The following RALYL variants were observed in gnomAD, a reference collection of about 807,000 sequenced individuals.
RALYL encodes the protein RALY RNA binding protein like.
Under a neutral mutation model 35.1 loss-of-function variants are expected in RALYL, and 29 were observed. The observed-to-expected ratio is 0.83, with a 90% CI of 0.61 to 1.13. The LOEUF (loss-of-function observed/expected upper bound fraction) is 1.13, where lower values mean the gene tolerates loss of function less well. RALYL is among the 50% of genes most tolerant of loss of function. The pLI, the probability that RALYL is intolerant of heterozygous loss-of-function variation, is 0.00. For synonymous variants in RALYL, 120 were observed against 127.6 expected (o/e 0.94, Z 0.40); for missense variants, 359 against 360.4 (o/e 1.00, Z 0.03).
At chr8:84,258,693 A>G (rs1449688012) in intron 1 of RALYL, among the ~76,000 whole-genome samples, 1 of 152,282 alleles carries the variant, frequency 6.6e-6, no homozygotes, top group African/African-American at 2.4e-5. Context: ...TGTAAAGATG[A>G]TATATAGATG....
At chr8:84,297,267 T>C (rs1271073067) in intron 1 of RALYL, among the ~76,000 whole-genome samples, 1 of 152,024 alleles carries the variant, frequency 6.6e-6, no homozygotes, top group Non-Finnish European at 1.5e-5. Flanking sequence ...CCATATGTAC[T>C]CAATATTTGG....
intron 2 of RALYL, among the ~76,000 whole-genome samples, chr8:84,622,643 T>G (rs73296154): frequency 6.6e-6 from 1 of 152,112 alleles, no homozygotes; most frequent in Non-Finnish European, 1.5e-5. Context: ...TCAGAGGCCA[T>G]AAGACCAATT....
At chr8:84,435,375 T>C (rs1415384241) in intron 1 of RALYL, among the ~76,000 whole-genome samples, 2 of 152,148 alleles carry the variant, frequency 1.3e-5, no homozygotes, top group Middle Eastern at 3.2e-3. Context: ...AAATCTTGGA[T>C]GAAATTTTTT....
rs921011431 is a variant in RALYL at position 84,353,479 on chromosome 8, C to T, written c.-24+169055C>T. On this transcript the variant is annotated intron_variant, in intron 1 of 8. Coordinates refer to ENST00000521268, the MANE Select transcript of RALYL (RefSeq NM_173848.7). ...ATCACAAGACTATAACATGCAGCTT[C>T]GTAAAATTCATCCCTTCACCTAAAT... Among the ~76,000 whole-genome samples the T allele has an allele frequency of 4.0e-5, 6 of 150,426 alleles. 1 individual carries two copies. The highest frequency in any genetic ancestry group is 1.3e-4 in the Admixed American group (2 of 15,150).
At chr8:84,839,761 G>C (rs1832808346) in intron 4 of RALYL, among the ~76,000 whole-genome samples, 1 of 152,216 alleles carries the variant, frequency 6.6e-6, no homozygotes, top group Non-Finnish European at 1.5e-5. Flanking sequence ...GTACTCCTCT[G>C]AGACAAAACT....
At chr8:84,747,247 A>G (rs1169426040) in intron 2 of RALYL, among the ~76,000 whole-genome samples, 2 of 151,844 alleles carry the variant, frequency 1.3e-5, no homozygotes, top group Non-Finnish European at 2.9e-5. Context: ...AGCATCCAGC[A>G]GAATGTTTTA....
chr8:84,821,429 T>A (rs190029857), intron 4 of RALYL, among the ~76,000 whole-genome samples: 3 of 152,308 alleles, frequency 2.0e-5, no homozygotes, highest in African/African-American at 7.2e-5. Flanking sequence ...ACACCTCATG[T>A]TTTCTTCTGA....
chr8:84,382,491 G>T (rs1004144826), intron 1 of RALYL, among the ~76,000 whole-genome samples: 1 of 151,492 alleles, frequency 6.6e-6, no homozygotes, highest in African/African-American at 2.4e-5. Context: ...TAAATTTGAA[G>T]AATTAACTAA....
At chr8:84,186,769 T>A (rs533940949) in intron 1 of RALYL, among the ~76,000 whole-genome samples, 2 of 152,320 alleles carry the variant, frequency 1.3e-5, no homozygotes, top group South Asian at 2.1e-4. Context: ...GATTCATTTT[T>A]AATTATATTG....
In RALYL at chr8:84,268,845, T is replaced by C. The variant is rs1489404002; in HGVS notation, c.-24+84421T>C. Among the ~76,000 whole-genome samples, 3 of 152,196 alleles carry C rather than the reference T, an allele frequency of 2.0e-5. No individual in the cohort carries two copies. The East Asian group carries it at 5.8e-4, about 29-fold the overall frequency. On this transcript the variant is annotated intron_variant, in intron 1 of 8. Coordinates refer to ENST00000521268, the MANE Select transcript of RALYL (RefSeq NM_173848.7). ...TAATAAATGTTCATTCTTTGGAATA[T>C]AAGTTCCCATAAGGCAAGGGAAGCA...
intron 1 of RALYL, among the ~76,000 whole-genome samples, chr8:84,317,954 A>C (rs979351168): frequency 4.0e-5 from 6 of 151,734 alleles, no homozygotes; most frequent in African/African-American, 1.5e-4. Context: ...TATGTCTATC[A>C]CCAATATTTT....
chr8:84,508,179 G>GT (rs2057328734), intron 1 of RALYL, among the ~76,000 whole-genome samples: 1 of 152,020 alleles, frequency 6.6e-6, no homozygotes. Context: ...AATAGCATGT[G>GT]TTGTTCAAGT....
rs549482478 is a variant in RALYL at position 84,278,552 on chromosome 8, GT to G, written c.-24+94131del. Among the ~76,000 whole-genome samples, 29 of 152,310 alleles carry G rather than the reference GT, an allele frequency of 1.9e-4. 1 individual carries two copies. Among genetic ancestry groups the G allele is most frequent in the Admixed American group, 1.5e-3 (23 of 15,296 alleles). Reference sequence around the variant, plus strand: ...TTTCTATTGCATTGTCAGGTGCCCAGTTTCCAAAATTCCATGCCTTGCTTTC... The same window carrying G: ...TTTCTATTGCATTGTCAGGTGCCCAGTTCCAAAATTCCATGCCTTGCTTTC... On this transcript the variant is annotated intron_variant, in intron 1 of 8. Coordinates refer to ENST00000521268, the MANE Select transcript of RALYL (RefSeq NM_173848.7).
chr8:84,349,675 T>C (rs930461753), intron 1 of RALYL, among the ~76,000 whole-genome samples: 1 of 150,612 alleles, frequency 6.6e-6, no homozygotes, highest in Non-Finnish European at 1.5e-5. Context: ...GTATCAAATG[T>C]GTTCATTATA....
At chr8:84,513,378 T>C (rs1283368295) in intron 1 of RALYL, among the ~76,000 whole-genome samples, 1 of 152,164 alleles carries the variant, frequency 6.6e-6, no homozygotes, top group Non-Finnish European at 1.5e-5. Context: ...GCAATTTTTG[T>C]AGCTATTTGT....
intron 1 of RALYL, among the ~76,000 whole-genome samples, chr8:84,384,955 C>G (rs947715985): frequency 6.6e-6 from 1 of 151,752 alleles, no homozygotes; most frequent in African/African-American, 2.4e-5. Context: ...CCAATTCTTG[C>G]AACATTTGTT....
chr8:84,705,319 A>G (rs1346182076), intron 2 of RALYL, among the ~76,000 whole-genome samples: 1 of 152,108 alleles, frequency 6.6e-6, no homozygotes, highest in Non-Finnish European at 1.5e-5. Flanking sequence ...GGGTGGGGGA[A>G]GCTTCTGGAG....
intron 1 of RALYL, among the ~76,000 whole-genome samples, chr8:84,315,184 A>G (rs942982048): frequency 2.0e-5 from 3 of 152,212 alleles, no homozygotes; most frequent in Non-Finnish European, 2.9e-5. Flanking sequence ...CAACCCATAT[A>G]CACAATCCAT....
intron 2 of RALYL, among the ~76,000 whole-genome samples, chr8:84,652,432 G>A (rs538408590): frequency 1.0e-3 from 155 of 152,168 alleles, no homozygotes; most frequent in Non-Finnish European, 1.8e-3. Context: ...AGTAATGATA[G>A]TTTTATGCTG....
Sources: allele counts gnomAD v4.1 joint callset (sites outside exome capture counted in the v4.1 genomes callset), GRCh38; gene constraint gnomAD v4.1.1; transcripts MANE v1.5; gene names NCBI Gene and HGNC (gene_info 2026-07-23, HGNC 2026-07-21).